Variants in SPOCK1 observed in about 807,000 individuals in gnomAD.
The protein encoded by SPOCK1 is testican-1.
A neutral mutation model predicts 55.3 loss-of-function variants in SPOCK1; 23 were observed. The ratio of observed to expected loss-of-function variants is 0.42; its 90% CI spans 0.30 to 0.59. The LOEUF is 0.59. Among genes scored for constraint, SPOCK1 ranks in the 20% least tolerant of loss-of-function variants. The probability of loss-of-function intolerance (pLI) is 0.22; values close to 1 mark genes in which losing one functional copy is unlikely to be tolerated. For missense variants in SPOCK1, 499 were observed against 552.5 expected, an observed-to-expected ratio of 0.90 and a Z score of 0.97; for synonymous variants, 226 against 221.0, an observed-to-expected ratio of 1.02 and a Z score of -0.20.
chr5:136,992,401 T>C (rs1750965899), intron 7 of SPOCK1, 83 bp downstream of exon 7: 2 of 996,226 alleles, frequency 2.0e-6, no homozygotes, highest in Middle Eastern at 4.4e-4. Flanking sequence ...ATGTAATGGG[T>C]GTTTTTCACC....
At chr5:137,490,721 C>A (rs1237600489) in intron 2 of SPOCK1, among the ~76,000 whole-genome samples, 1 of 152,192 alleles carries the variant, frequency 6.6e-6, no homozygotes, top group Non-Finnish European at 1.5e-5. Context: ...TACAAACCCC[C>A]TCCCAGTTAC....
chr5:137,247,614 A>G (rs1481132296), intron 3 of SPOCK1, among the ~76,000 whole-genome samples: 1 of 152,198 alleles, frequency 6.6e-6, no homozygotes, highest in Non-Finnish European at 1.5e-5. Context: ...CTTGTCGTCC[A>G]TTTTGTGTTG....
chr5:137,211,909 T>C (rs1755625546), intron 3 of SPOCK1, among the ~76,000 whole-genome samples: 1 of 152,166 alleles, frequency 6.6e-6, no homozygotes. Flanking sequence ...TCTCCTTACC[T>C]GGCTGTTCAT....
chr5:137,111,474 C>T (rs1753470076), intron 5 of SPOCK1, among the ~76,000 whole-genome samples: 1 of 152,142 alleles, frequency 6.6e-6, no homozygotes, highest in Non-Finnish European at 1.5e-5. Flanking sequence ...ACACACGCAC[C>T]CATACACTGG....
At chr5:137,318,372 T>A (rs1757920592) in intron 2 of SPOCK1, among the ~76,000 whole-genome samples, 1 of 152,124 alleles carries the variant, frequency 6.6e-6, no homozygotes, top group Non-Finnish European at 1.5e-5. Context: ...TGTCCTTAAA[T>A]AATAAAAAAA....
At chr5:137,126,033 A>G (rs1011543712) in intron 4 of SPOCK1, among the ~76,000 whole-genome samples, 1 of 152,190 alleles carries the variant, frequency 6.6e-6, no homozygotes, top group Non-Finnish European at 1.5e-5. Flanking sequence ...CCAAATCTCA[A>G]GTTTGATCCC....
In SPOCK1 at chr5:137,150,598, T is replaced by C. The variant is rs549259147; in HGVS notation, c.233-9904A>G. Among the ~76,000 whole-genome samples, 415 of 152,034 alleles carry C rather than the reference T, an allele frequency of 2.7e-3. 3 individuals carry two copies. The highest frequency in any genetic ancestry group is 9.8e-3 in the African/African-American group (405 of 41,472). Reference sequence around the variant, plus strand: ...TTAGGGAAACAGAATCTGGCAAATATTGTTGATCCAAGCAGACAAGGAGTC... The same window carrying C: ...TTAGGGAAACAGAATCTGGCAAATACTGTTGATCCAAGCAGACAAGGAGTC... On this transcript the variant is annotated intron_variant, in intron 3 of 10. Coordinates refer to ENST00000394945, the MANE Select transcript of SPOCK1 (RefSeq NM_004598.4).
chr5:137,382,609 A>G (rs116516316), intron 2 of SPOCK1, among the ~76,000 whole-genome samples: 1 of 152,172 alleles, frequency 6.6e-6, no homozygotes, highest in Non-Finnish European at 1.5e-5. Context: ...CCTTCTTCAC[A>G]TGGTAGCAGG....
intron 6 of SPOCK1, among the ~76,000 whole-genome samples, chr5:137,065,331 A>C (rs1752486871): frequency 6.6e-6 from 1 of 152,090 alleles, no homozygotes; most frequent in Non-Finnish European, 1.5e-5. Flanking sequence ...TCATAAATTA[A>C]CTACCACCAA....
chr5:137,053,545 CT>C (rs1324084080), intron 6 of SPOCK1, among the ~76,000 whole-genome samples: 1 of 151,910 alleles, frequency 6.6e-6, no homozygotes, highest in Admixed American at 6.6e-5. Flanking sequence ...TGGGGATTTA[CT>C]TTGTGACACA....
intron 5 of SPOCK1, among the ~76,000 whole-genome samples, chr5:137,079,855 C>G (rs1752849711): frequency 6.6e-6 from 1 of 152,102 alleles, no homozygotes; most frequent in African/African-American, 2.4e-5. Flanking sequence ...CTGCAGACCC[C>G]CCTTAGCTCC....
intron 2 of SPOCK1, among the ~76,000 whole-genome samples, chr5:137,335,581 C>T (rs139777916): frequency 3.4e-4 from 52 of 152,358 alleles, no homozygotes; most frequent in African/African-American, 1.2e-3. Flanking sequence ...GACGACACTG[C>T]TTACGGCCTC....
intron 4 of SPOCK1, among the ~76,000 whole-genome samples, chr5:137,131,324 T>C (rs1459462291): frequency 6.6e-6 from 1 of 152,216 alleles, no homozygotes; most frequent in Non-Finnish European, 1.5e-5. Context: ...AAGAAGATTA[T>C]ATCGGCCAGG....
intron 2 of SPOCK1, among the ~76,000 whole-genome samples, chr5:137,290,876 G>A (rs1561494798): frequency 6.6e-6 from 1 of 152,194 alleles, no homozygotes; most frequent in Non-Finnish European, 1.5e-5. Flanking sequence ...AGGCACAAGG[G>A]AAGCCTAGTA....
At chr5:137,155,740 T>C (rs4976340) in intron 3 of SPOCK1, among the ~76,000 whole-genome samples, 4 of 152,100 alleles carry the variant, frequency 2.6e-5, no homozygotes, top group African/African-American at 4.8e-5. Flanking sequence ...AATCGTTTTT[T>C]AAATGGGCAA....
chr5:137,422,594 G>A (rs1164339179), intron 2 of SPOCK1, among the ~76,000 whole-genome samples: 2 of 151,538 alleles, frequency 1.3e-5, no homozygotes, highest in African/African-American at 4.9e-5. Context: ...TGAGGCTTGT[G>A]CATTCGTCAC....
At chr5:137,210,740 T>G (rs1240020390) in intron 3 of SPOCK1, among the ~76,000 whole-genome samples, 3 of 152,148 alleles carry the variant, frequency 2.0e-5, no homozygotes, top group Non-Finnish European at 4.4e-5. Context: ...GAGGTGAAGG[T>G]TTGCCCAGTG....
intron 3 of SPOCK1, among the ~76,000 whole-genome samples, chr5:137,205,342 C>T (rs1237857788): frequency 1.3e-5 from 2 of 152,234 alleles, no homozygotes; most frequent in African/African-American, 2.4e-5. Flanking sequence ...AGGAAGCTGT[C>T]GTGCTCTCTA....
chr5:137,075,664 T>C (rs1186010683), intron 5 of SPOCK1, among the ~76,000 whole-genome samples: 1 of 152,228 alleles, frequency 6.6e-6, no homozygotes, highest in South Asian at 2.1e-4. Flanking sequence ...CAAGGCTGAA[T>C]AGTTTCTCTA....
Sources: gnomAD v4.1 joint callset for allele counts (sites outside exome capture counted in the v4.1 genomes callset) on GRCh38, gnomAD v4.1.1 for gene constraint, MANE v1.5 for transcripts, NCBI Gene and HGNC (gene_info 2026-07-23, HGNC 2026-07-21) for gene names.